ZNF366: variants seen among roughly 807,000 people sequenced by gnomAD.
The protein encoded by ZNF366 is dendritic cell-specific transcript protein.
In ZNF366, 20 loss-of-function variants were observed where a neutral mutation model predicts 47.2. The observed-to-expected ratio is 0.42, with a 90% CI of 0.30 to 0.62. ZNF366 has a LOEUF of 0.62. ZNF366 is among the 20% of genes least tolerant of loss of function. The probability of loss-of-function intolerance (pLI) is 0.16; values close to 1 mark genes in which losing one functional copy is unlikely to be tolerated. For synonymous variants in ZNF366, 421 were observed against 395.1 expected, an observed-to-expected ratio of 1.07 and a Z score of -0.78; for missense variants, 987 against 976.3, an observed-to-expected ratio of 1.01 and a Z score of -0.15.
chr5:72,507,256 C>T lies in ZNF366; in HGVS notation c.-20G>A, dbSNP rs1744336685. ...TGATTGCATGGGTAACTTACCAGCTCCTGAGGTCTGAATGGCTGCAGCAGC... is the reference window on the plus strand; with the variant it reads ...TGATTGCATGGGTAACTTACCAGCTTCTGAGGTCTGAATGGCTGCAGCAGC... On this transcript the variant is annotated 5_prime_UTR_variant, in exon 1 of 5. Coordinates refer to ENST00000318442, the MANE Select transcript of ZNF366 (RefSeq NM_152625.3). 1.0e-6 allele frequency: 1 copy of T among 985,390 alleles called. No homozygotes were observed. 61.0% of individuals were successfully genotyped at this position (985,390 alleles called of 1,614,324 possible).
chr5:72,463,384 A>G (rs887453108), intron 1 of ZNF366, among the ~76,000 whole-genome samples: 3 of 152,258 alleles, frequency 2.0e-5, no homozygotes, highest in African/African-American at 7.2e-5. Context: ...AAAGCTGGAC[A>G]GATAACTAAA....
rs1317687053 is a variant in ZNF366, at chr5:72,441,938, T to C, written c.*1818A>G. 6.6e-6 allele frequency: 1 copy of C among 152,220 alleles called. No homozygotes were observed. Among genetic ancestry groups the C allele is most frequent in the Non-Finnish European group, 1.5e-5 (1 of 68,050 alleles). 9.4% of individuals were successfully genotyped at this position (152,220 alleles called of 1,614,324 possible). On this transcript the variant is annotated 3_prime_UTR_variant, in exon 5 of 5. Transcript: ENST00000318442. ...GCTTTTCTCAGTGCCAGTGCCTAAG[T>C]AAGTCTGACCTGCTGGGCCCATCCC...
At position 72,460,447 on chromosome 5, in the gene ZNF366, G is replaced by A; in HGVS notation, c.1050C>T (p.Ser350=). 3.7e-6 allele frequency: 6 copies of A among 1,614,094 alleles called. No individual in the cohort carries two copies. Among genetic ancestry groups the A allele is most frequent in the Non-Finnish European group, 5.1e-6 (6 of 1,180,014 alleles). Residue 350 remains serine (S), a synonymous_variant, in exon 2 of 5, where the codon AGC becomes AGT. Coordinates refer to ENST00000318442, the MANE Select transcript of ZNF366 (RefSeq NM_152625.3). ...RVCGRGFAYP[S]ELKAHEAKHA... ...GCTTGGCTTCGTGGGCCTTGAGCTC[G>A]CTGGGGTAGGCAAAGCCGCGGCCGC...
intron 4 of ZNF366, among the ~76,000 whole-genome samples, chr5:72,445,808 T>C (rs1257540197): frequency 1.3e-5 from 2 of 152,176 alleles, no homozygotes; most frequent in African/African-American, 4.8e-5. Context: ...CAACTAGAGA[T>C]TCAGTGAATA....
At chr5:72,449,610 C>T (rs1743024358) in intron 3 of ZNF366, among the ~76,000 whole-genome samples, 1 of 152,188 alleles carries the variant, frequency 6.6e-6, no homozygotes, top group African/African-American at 2.4e-5. Flanking sequence ...AAAAGCTTAC[C>T]TCATTTGGAT....
At chr5:72,467,888 A>G (rs6874676) in intron 1 of ZNF366, among the ~76,000 whole-genome samples, 46,862 of 151,918 alleles carry the variant, frequency 0.31, 8,016 homozygotes, top group East Asian at 0.59. Flanking sequence ...CAAGGAAAAT[A>G]GTGAGAATAA....
chr5:72,485,328 C>T (rs750319939), intron 1 of ZNF366, among the ~76,000 whole-genome samples: 1 of 152,150 alleles, frequency 6.6e-6, no homozygotes, highest in Non-Finnish European at 1.5e-5. Flanking sequence ...CCATAACAGA[C>T]CCTCAGTTAA....
chr5:72,498,807 C>T (rs976647594), intron 1 of ZNF366, among the ~76,000 whole-genome samples: 17 of 152,150 alleles, frequency 1.1e-4, no homozygotes, highest in Admixed American at 7.2e-4. Context: ...ATGTACCTAG[C>T]GATAGCACTT....
At chr5:72,456,953 T>C (rs1211199128) in intron 2 of ZNF366, among the ~76,000 whole-genome samples, 1 of 152,118 alleles carries the variant, frequency 6.6e-6, no homozygotes, top group African/African-American at 2.4e-5. Flanking sequence ...GAGTCCATAA[T>C]CCAGCTTTCA....
At chr5:72,462,134 G>A (rs1285103181) in intron 1 of ZNF366, among the ~76,000 whole-genome samples, 3 of 152,148 alleles carry the variant, frequency 2.0e-5, no homozygotes, top group African/African-American at 4.8e-5. Flanking sequence ...AGATCTAATC[G>A]TTTCTGAGTA....
Position 72,440,962 on chromosome 5 carries a change from A to G in ZNF366, c.*2794T>C, listed in dbSNP as rs1742845848. On this transcript the variant is annotated 3_prime_UTR_variant, in exon 5 of 5. Transcript: ENST00000318442. ...CTAGACCTTTTTACTGCCTCCAAAT[A>G]AAATTTTACTTAGAATGCTAATGTA... The G allele has an allele frequency of 6.6e-6, 1 of 152,210 alleles. No individual in the cohort carries two copies. The highest frequency in any genetic ancestry group is 2.1e-4 in the South Asian group (1 of 4,828). The allele number at this position is 152,210 out of a possible 1,614,324, so 9.4% of individuals were successfully genotyped here. A position where few individuals can be genotyped will look rare whatever the true frequency, so the allele number is the denominator to read the frequency against.
chr5:72,465,316 G>A (rs531269658), intron 1 of ZNF366, among the ~76,000 whole-genome samples: 13 of 152,210 alleles, frequency 8.5e-5, no homozygotes, highest in African/African-American at 2.2e-4. Flanking sequence ...GGAGAAGCCC[G>A]AGGTGGTGAA....
Position 72,460,766 on chromosome 5 carries a change from A to T in ZNF366, c.731T>A (p.Val244Glu), listed in dbSNP as rs1183212669. Residue 244 changes from valine (V) to glutamate (E), a missense_variant, in exon 2 of 5, where the codon GTG becomes GAG. Around this residue, in one of 3 missense-constraint regions of ZNF366, gnomAD observed 591 missense variants for 560.9 expected, o/e 1.05. Transcript: ENST00000318442. ...GCGCTTCTGCGAGCCGCCCACGTCC[A>T]CGTAGTAGCTGTCATCGATCTGCAC... is the stretch of plus-strand genomic sequence containing the variant. ...VNVQIDDSYY[V>E]DVGGSQKRWQ... 1.2e-6 allele frequency: 2 copies of T among 1,614,076 alleles called. No homozygotes were observed. The highest frequency in any genetic ancestry group is 1.7e-6 in the Non-Finnish European group (2 of 1,180,038).
chr5:72,475,518 A>G (rs1336415663), intron 1 of ZNF366, among the ~76,000 whole-genome samples: 2 of 152,202 alleles, frequency 1.3e-5, no homozygotes, highest in Non-Finnish European at 2.9e-5. Context: ...TATGAAACTC[A>G]ACTGGTAATG....
intron 4 of ZNF366, among the ~76,000 whole-genome samples, chr5:72,445,495 C>A (rs1742940443): frequency 6.6e-6 from 1 of 152,068 alleles, no homozygotes; most frequent in Admixed American, 6.6e-5. Flanking sequence ...GATTTTTGAG[C>A]CATTTCAAAA....
At chr5:72,446,722 T>C (rs1341197886) in intron 4 of ZNF366, among the ~76,000 whole-genome samples, 1 of 152,158 alleles carries the variant, frequency 6.6e-6, no homozygotes, top group Non-Finnish European at 1.5e-5. Context: ...CCAACATACT[T>C]CTGCTAACAG....
intron 1 of ZNF366, among the ~76,000 whole-genome samples, chr5:72,483,770 G>C (rs1347475863): frequency 6.6e-6 from 1 of 152,150 alleles, no homozygotes; most frequent in South Asian, 2.1e-4. Context: ...TATTTAAACT[G>C]TGATGGGAAT....
At chr5:72,492,798 G>A (rs1256913532) in intron 1 of ZNF366, among the ~76,000 whole-genome samples, 11 of 152,122 alleles carry the variant, frequency 7.2e-5, no homozygotes, top group South Asian at 6.2e-4. Context: ...AGAAAGCATC[G>A]CTTCTCTTCT....
rs144287701 is a variant in ZNF366 at position 72,460,962 on chromosome 5, T to C, written c.535A>G (p.Lys179Glu). 2.7e-5 allele frequency: 44 copies of C among 1,612,548 alleles called. No homozygotes were observed. The highest frequency in any genetic ancestry group is 3.5e-5 in the Non-Finnish European group (41 of 1,179,116). The change falls in exon 2 of 5, where the codon AAA becomes GAA. Residue 179 changes from lysine to glutamate, a missense_variant. By Grantham distance (56) the Lys-to-Glu change is moderately conservative. Around this residue, in one of 3 missense-constraint regions of ZNF366, gnomAD observed 591 missense variants for 560.9 expected, o/e 1.05. Coordinates refer to ENST00000318442, the MANE Select transcript of ZNF366 (RefSeq NM_152625.3). ...GGGAACATGAGGCCCGGGTGGACTT[T>C]GGGGTAGTAGGGGTAGGGCGTGGGC... ...FLPTPYPYYP[K>E]VHPGLMFPFF... is the part of the protein sequence containing the mutation.
Sources: allele counts gnomAD v4.1 joint callset (sites outside exome capture counted in the v4.1 genomes callset), GRCh38; gene constraint gnomAD v4.1.1; regional missense constraint gnomAD v4.1.1; transcripts MANE v1.5; gene names NCBI Gene and HGNC (gene_info 2026-07-23, HGNC 2026-07-21).